NEDD4L: variants seen among roughly 807,000 people sequenced by gnomAD.
NEDD4L encodes E3 ubiquitin-protein ligase NEDD4-like.
NEDD4L carries 54 observed loss-of-function variants against 148.9 expected under a neutral mutation model. The ratio of observed to expected loss-of-function variants is 0.36; its 90% confidence interval spans 0.29 to 0.45. The LOEUF (loss-of-function observed/expected upper bound fraction) is 0.45, where lower values mean the gene tolerates loss of function less well. Ranked by LOEUF, NEDD4L falls within the 20% of genes least tolerant of loss-of-function variation. The pLI is 1.00. For synonymous variants in NEDD4L, 433 were observed against 440.7 expected, an observed-to-expected ratio of 0.98 and a Z score of 0.22; for missense variants, 856 against 1,233.8, an observed-to-expected ratio of 0.69 and a Z score of 4.59.
At chr18:58,159,682 G>A (rs1458016861) in intron 1 of NEDD4L, among the ~76,000 whole-genome samples, 1 of 152,200 alleles carries the variant, frequency 6.6e-6, no homozygotes, top group East Asian at 1.9e-4. Context: ...TGCTGGCTTA[G>A]TTATTTTTTA....
At chr18:58,259,517 G>T (rs977182156) in intron 5 of NEDD4L, among the ~76,000 whole-genome samples, 1 of 152,140 alleles carries the variant, frequency 6.6e-6, no homozygotes, top group African/African-American at 2.4e-5. Flanking sequence ...ACCAGCATTT[G>T]TGCCCCCTTT....
intron 2 of NEDD4L, among the ~76,000 whole-genome samples, chr18:58,217,721 A>T (rs1415317892): frequency 6.6e-6 from 1 of 152,186 alleles, no homozygotes; most frequent in Non-Finnish European, 1.5e-5. Context: ...TAAAGCATTG[A>T]TCTACCTGTA....
chr18:58,237,827 C>T (rs548779432), intron 2 of NEDD4L, among the ~76,000 whole-genome samples: 1 of 152,266 alleles, frequency 6.6e-6, no homozygotes, highest in African/African-American at 2.4e-5. Context: ...TCCCAGGGGT[C>T]TCTGTGACCC....
intron 22 of NEDD4L, among the ~76,000 whole-genome samples, 169 bp downstream of exon 22, chr18:58,368,036 C>T (rs943338926): frequency 5.3e-5 from 8 of 152,142 alleles, no homozygotes; most frequent in East Asian, 1.9e-4. Context: ...TTATTTTGGG[C>T]ACTGAAGACA....
intron 5 of NEDD4L, among the ~76,000 whole-genome samples, chr18:58,255,208 G>A (rs1158399117): frequency 6.6e-6 from 1 of 152,108 alleles, no homozygotes; most frequent in African/African-American, 2.4e-5. Flanking sequence ...AGCGTGGCTT[G>A]CAGTGTGTTT....
intron 1 of NEDD4L, among the ~76,000 whole-genome samples, chr18:58,131,489 C>G (rs916323879): frequency 8.0e-5 from 12 of 150,656 alleles, no homozygotes; most frequent in Admixed American, 7.3e-4. Context: ...TGGCTGTGAT[C>G]TAGTGGAACT....
intron 3 of NEDD4L, among the ~76,000 whole-genome samples, chr18:58,246,121 A>C (rs1291186554): frequency 6.6e-6 from 1 of 152,186 alleles, no homozygotes. Context: ...AAATGCCTAC[A>C]AAAACAGTAT....
In NEDD4L at chr18:58,283,397, C is replaced by G. The variant is rs111817157; in HGVS notation, c.297+31343C>G. ...AGCCCATACACTGCCCTTTTAAAGC[C>G]TGTGTTCGAAAGTGGCACACATCAC... On this transcript the variant is annotated intron_variant, in intron 5 of 30. Transcript: ENST00000400345. Among the ~76,000 whole-genome samples, 908 of 152,272 alleles carry G rather than the reference C, an allele frequency of 6.0e-3. 11 individuals carry two copies. Among genetic ancestry groups the G allele is most frequent in the African/African-American group, 0.021 (883 of 41,554 alleles).
At chr18:58,209,553 C>T (rs867142012) in intron 2 of NEDD4L, among the ~76,000 whole-genome samples, 15 of 130,676 alleles carry the variant, frequency 1.1e-4, no homozygotes, top group Admixed American at 1.6e-4. Flanking sequence ...TGACTCATAA[C>T]GTTTTCATCT....
intron 1 of NEDD4L, among the ~76,000 whole-genome samples, chr18:58,070,687 C>G (rs2082821998): frequency 1.3e-5 from 2 of 152,024 alleles, no homozygotes; most frequent in African/African-American, 2.4e-5. Flanking sequence ...AAGGCATGCC[C>G]CAATACCCAC....
intron 1 of NEDD4L, among the ~76,000 whole-genome samples, chr18:58,155,116 G>C (rs2035306621): frequency 2.0e-5 from 3 of 152,132 alleles, no homozygotes; most frequent in Non-Finnish European, 2.9e-5. Context: ...CCTTCAAAAA[G>C]AATATCCTAA....
At chr18:58,186,020 C>A (rs1182822228) in intron 2 of NEDD4L, among the ~76,000 whole-genome samples, 6 of 152,102 alleles carry the variant, frequency 3.9e-5, no homozygotes, top group East Asian at 1.9e-4. Flanking sequence ...TACATATGCA[C>A]ACGCATACAG....
chr18:58,063,766 A>T (rs960206529), intron 1 of NEDD4L, among the ~76,000 whole-genome samples: 3 of 148,830 alleles, frequency 2.0e-5, no homozygotes, highest in Non-Finnish European at 4.5e-5. Flanking sequence ...GGGTTTCACC[A>T]TATTGTCTCG....
At position 58,396,950 on chromosome 18, in the gene NEDD4L, T is replaced by C. The variant is rs1003239773; in HGVS notation, c.*681T>C. ...TATTACGTTTTTGTTTTGGGGTTTT[T>C]TTGTACAAATTTAGCTAATAGCTAC... On this transcript the variant is annotated 3_prime_UTR_variant, in exon 31 of 31. Coordinates refer to ENST00000400345, the MANE Select transcript of NEDD4L (RefSeq NM_001144967.3). The C allele has an allele frequency of 6.5e-6, 1 of 152,672 alleles. No homozygotes were observed. Among genetic ancestry groups the C allele is most frequent in the African/African-American group, 2.4e-5 (1 of 41,472 alleles). 9.5% of individuals were successfully genotyped at this position (152,672 alleles called of 1,614,324 possible).
chr18:58,051,138 G>C (rs2081850096), intron 1 of NEDD4L, among the ~76,000 whole-genome samples: 1 of 152,130 alleles, frequency 6.6e-6, no homozygotes, highest in African/African-American at 2.4e-5. Context: ...CGCACCTGTG[G>C]TCCTGGCTGC....
chr18:58,072,867 C>T (rs935712906), intron 1 of NEDD4L, among the ~76,000 whole-genome samples: 25 of 113,296 alleles, frequency 2.2e-4, no homozygotes, highest in Non-Finnish European at 2.9e-4. Context: ...GGCGCGCGCG[C>T]GCGCGCACAC....
At chr18:58,308,873 C>T (rs2057353793) in intron 5 of NEDD4L, among the ~76,000 whole-genome samples, 1 of 152,220 alleles carries the variant, frequency 6.6e-6, no homozygotes, top group South Asian at 2.1e-4. Context: ...GCCCTCATCA[C>T]CCAGTGTACA....
At chr18:58,238,044 A>G (rs1473268060) in intron 2 of NEDD4L, among the ~76,000 whole-genome samples, 3 of 152,372 alleles carry the variant, frequency 2.0e-5, no homozygotes, top group Non-Finnish European at 2.9e-5. Flanking sequence ...TGCCTAAGCA[A>G]TAAAGTTTTA....
chr18:58,280,207 G>A (rs1363732237), intron 5 of NEDD4L, among the ~76,000 whole-genome samples: 2 of 152,196 alleles, frequency 1.3e-5, no homozygotes, highest in Non-Finnish European at 2.9e-5. Context: ...TTTAAAGGTA[G>A]ATGATGCCTC....
Sources: gnomAD v4.1 joint callset for allele counts (sites outside exome capture counted in the v4.1 genomes callset) on GRCh38, gnomAD v4.1.1 for gene constraint, MANE v1.5 for transcripts, NCBI Gene and HGNC (gene_info 2026-07-23, HGNC 2026-07-21) for gene names.